Variants in ANKHD1 observed in about 807,000 individuals in gnomAD.
The protein encoded by ANKHD1 is ankyrin repeat and KH domain containing 1.
A neutral mutation model predicts 230.5 loss-of-function variants in ANKHD1; 31 were observed. That is an observed-to-expected ratio of 0.13 (90% CI 0.10 to 0.18). The LOEUF (loss-of-function observed/expected upper bound fraction) is 0.18, where lower values mean the gene tolerates loss of function less well. Ranked by LOEUF, ANKHD1 falls within the 10% of genes least tolerant of loss-of-function variation. The pLI is 1.00. For synonymous variants in ANKHD1, 1,074 were observed against 1,117.6 expected, an observed-to-expected ratio of 0.96 and a Z score of 0.78; for missense variants, 2,256 against 3,071.3, an observed-to-expected ratio of 0.73 and a Z score of 6.27.
chr5:140,497,457 G>A (rs757403231), intron 15 of ANKHD1, among the ~76,000 whole-genome samples, 179 bp downstream of exon 15: 2 of 152,212 alleles, frequency 1.3e-5, no homozygotes, highest in African/African-American at 2.4e-5. Flanking sequence ...ACACACAAAA[G>A]TGTGTTTTCC....
At chr5:140,414,133 A>G (rs1010787586) in intron 1 of ANKHD1, among the ~76,000 whole-genome samples, 4 of 152,276 alleles carry the variant, frequency 2.6e-5, no homozygotes, top group Non-Finnish European at 4.4e-5. Flanking sequence ...TTGGGCTATT[A>G]TGAATAATGC....
chr5:140,420,464 C>G (rs1353281482), intron 1 of ANKHD1, among the ~76,000 whole-genome samples: 1 of 152,134 alleles, frequency 6.6e-6, no homozygotes, highest in Non-Finnish European at 1.5e-5. Flanking sequence ...ATAGTTTTAG[C>G]TCTTACATTT....
intron 14 of ANKHD1, among the ~76,000 whole-genome samples, chr5:140,489,957 G>GA (rs1751695129): frequency 6.6e-6 from 1 of 152,138 alleles, no homozygotes. Flanking sequence ...TATGAATTAG[G>GA]AAAAATCATT....
At chr5:140,475,856 A>G (rs1750936724) in intron 10 of ANKHD1, among the ~76,000 whole-genome samples, 1 of 152,226 alleles carries the variant, frequency 6.6e-6, no homozygotes, top group Admixed American at 6.5e-5. Flanking sequence ...CAGTAAAAAA[A>G]TTATAAAGCT....
chr5:140,448,992 G>A (rs1774498071), intron 6 of ANKHD1, among the ~76,000 whole-genome samples: 1 of 151,994 alleles, frequency 6.6e-6, no homozygotes. Context: ...TATGTGCCTT[G>A]GACTAATTCA....
intron 10 of ANKHD1, among the ~76,000 whole-genome samples, chr5:140,470,993 G>A (rs564366127): frequency 3.3e-5 from 5 of 152,036 alleles, no homozygotes; most frequent in African/African-American, 9.6e-5. Flanking sequence ...CAAAGCTTGG[G>A]ACCAGAAGTG....
intron 9 of ANKHD1, 92 bp downstream of exon 9, chr5:140,459,447 TA>T (rs1437108669): frequency 2.9e-6 from 4 of 1,392,156 alleles, no homozygotes; most frequent in Non-Finnish European, 3.8e-6. Flanking sequence ...TCCTAGTAGA[TA>T]ATAGAATGGT....
At chr5:140,520,165 AAC>A (rs1335871955) in intron 24 of ANKHD1, among the ~76,000 whole-genome samples, 1 of 152,124 alleles carries the variant, frequency 6.6e-6, no homozygotes, top group Non-Finnish European at 1.5e-5. Context: ...GCAGCCAAAA[AAC>A]ACATGAAAAA....
At position 140,527,990 on chromosome 5, in the gene ANKHD1, AGAT is replaced by A. The variant is rs1449052254; in HGVS notation, c.5206_5208del (p.Asp1736del). ...CCCATATTGATGTGGATAAACAAAA[AGAT>A]AAGAATGGCGAGAGAATGATCACAA... On this transcript the variant is annotated inframe_deletion, in exon 28 of 34. Transcript: ENST00000360839. This position sits in a 1 kb window ranked among gnomAD's most constrained non-coding sequence, Gnocchi z 4.5. The A allele has an allele frequency of 2.5e-6, 4 of 1,613,972 alleles. No homozygotes were observed. The highest frequency in any genetic ancestry group is 3.4e-6 in the Non-Finnish European group (4 of 1,179,880).
intron 1 of ANKHD1, among the ~76,000 whole-genome samples, chr5:140,426,996 A>G (rs951186574): frequency 1.6e-4 from 25 of 152,078 alleles, no homozygotes; most frequent in East Asian, 7.7e-4. Context: ...CAAAACAGCC[A>G]TTGTCATCAT....
Position 140,527,080 on chromosome 5 carries a change from T to G in ANKHD1, c.5087+6T>G. The G allele has an allele frequency of 6.2e-7, 1 of 1,609,196 alleles. No homozygotes were observed. Among genetic ancestry groups the G allele is most frequent in the Non-Finnish European group, 8.5e-7 (1 of 1,178,356 alleles). ...TGGAAAGAAGTTGTACGAAGGTAAATAGAATTAGTTCCATCTTTTTAGCTT... is the reference window on the plus strand; with the variant it reads ...TGGAAAGAAGTTGTACGAAGGTAAAGAGAATTAGTTCCATCTTTTTAGCTT... On this transcript the variant is annotated splice_donor_region_variant and intron_variant, in intron 27 of 33. Coordinates refer to ENST00000360839, the MANE Select transcript of ANKHD1 (RefSeq NM_017747.3). The surrounding 1 kb of genome is among the most constrained non-coding windows in gnomAD (Gnocchi z 4.5).
chr5:140,439,990 T>C (rs1354535024), intron 3 of ANKHD1, 129 bp from the exon 4 acceptor site: 3 of 1,166,308 alleles, frequency 2.6e-6, no homozygotes, highest in African/African-American at 1.6e-5. Flanking sequence ...GCAAGTAATA[T>C]GTTCATATAA....
rs1163334762 is a variant in ANKHD1 at position 140,526,138 on chromosome 5, TAAG to T, written c.4641_4643del (p.Lys1547del). The T allele has an allele frequency of 5.0e-6, 8 of 1,613,280 alleles. No individual in the cohort carries two copies. Among genetic ancestry groups the T allele is most frequent in the Admixed American group, 1.7e-5 (1 of 59,838 alleles). On this transcript the variant is annotated inframe_deletion, in exon 26 of 34. Coordinates refer to ENST00000360839, the MANE Select transcript of ANKHD1 (RefSeq NM_017747.3). Reference sequence around the variant, plus strand: ...CAACTCCCAGCACCAATCGGAAAAATAAGAAGAACAAAACAAAAGAAACCCCTC... The same window carrying T: ...CAACTCCCAGCACCAATCGGAAAAATAAGAACAAAACAAAAGAAACCCCTC...
chr5:140,426,723 A>C (rs912584204), intron 1 of ANKHD1, among the ~76,000 whole-genome samples: 5 of 152,250 alleles, frequency 3.3e-5, no homozygotes, highest in Non-Finnish European at 5.9e-5. Context: ...TGACTCTTAA[A>C]GAGCATGCTG....
At chr5:140,531,089 T>C (rs1249817082) in intron 29 of ANKHD1, among the ~76,000 whole-genome samples, 1 of 152,206 alleles carries the variant, frequency 6.6e-6, no homozygotes. Context: ...GGGAAAGTAA[T>C]ATAGACTTTG....
intron 6 of ANKHD1, among the ~76,000 whole-genome samples, chr5:140,448,317 C>T (rs1403610188): frequency 6.6e-6 from 1 of 152,212 alleles, no homozygotes; most frequent in Non-Finnish European, 1.5e-5. Flanking sequence ...CCCAGGTTTT[C>T]ACTATTATTA....
rs897379445 is a variant in ANKHD1 at position 140,529,174 on chromosome 5, C to T, written c.6228C>T (p.Asn2076=). The stretch of plus-strand genomic sequence containing the variant: ...GTAGTCCCACTCCTACTTCCAGTAA[C>T]ACACAAGAGGAGGCACAGCCATCCA... ...PSSSPTPTSS[N]TQEEAQPSSV... The change falls in exon 29 of 34, where the codon AAC becomes AAT. Residue 2076 remains asparagine, a synonymous_variant. Coordinates refer to ENST00000360839, the MANE Select transcript of ANKHD1 (RefSeq NM_017747.3). The T allele has an allele frequency of 6.2e-7, 1 of 1,614,198 alleles. No homozygotes were observed. Among genetic ancestry groups the T allele is most frequent in the Admixed American group, 1.7e-5 (1 of 60,032 alleles).
chr5:140,508,214 CA>C (rs944785113), intron 20 of ANKHD1, among the ~76,000 whole-genome samples: 1 of 152,176 alleles, frequency 6.6e-6, no homozygotes, highest in Non-Finnish European at 1.5e-5. Flanking sequence ...GTACTTTTCC[CA>C]ACCTCAGCCT....
chr5:140,449,096 C>A, intron 6 of ANKHD1, 115 bp from the exon 7 acceptor site: 10 of 1,072,650 alleles, frequency 9.3e-6, no homozygotes, highest in Non-Finnish European at 1.2e-5. Context: ...TTATTGAATG[C>A]AAAATAAGTT....
Sources: allele counts gnomAD v4.1 joint callset (sites outside exome capture counted in the v4.1 genomes callset), GRCh38; gene constraint gnomAD v4.1.1; non-coding constraint Gnocchi (gnomAD v3.1); transcripts MANE v1.5; gene names NCBI Gene and HGNC (gene_info 2026-07-23, HGNC 2026-07-21).